SYT13: variants seen among roughly 807,000 people sequenced by gnomAD.
SYT13 encodes synaptotagmin 13, also known as synaptotagmin-13.
In SYT13, 21 loss-of-function variants were observed where a neutral mutation model predicts 38.6. The observed-to-expected ratio is 0.54, with a 90% confidence interval of 0.39 to 0.78. SYT13 has a LOEUF of 0.78. Among genes scored for constraint, SYT13 ranks in the 30% least tolerant of loss-of-function variants. The pLI, the probability that SYT13 is intolerant of heterozygous loss-of-function variation, is 0.00. For synonymous variants in SYT13, 241 were observed against 237.6 expected (o/e 1.01, Z -0.13); for missense variants, 495 against 548.7 (o/e 0.90, Z 0.98).
At chr11:45,285,854 T>TC in intron 1 of SYT13, 171 bp downstream of exon 1, 2 of 322,074 alleles carry the variant, frequency 6.2e-6, no homozygotes, top group South Asian at 4.0e-5. Flanking sequence ...GCCTCCCCCA[T>TC]CCCCCTACCT....
At chr11:45,281,432 G>A (rs527847740) in intron 1 of SYT13, among the ~76,000 whole-genome samples, 7 of 152,174 alleles carry the variant, frequency 4.6e-5, no homozygotes, top group East Asian at 3.9e-4. Context: ...TTGGGAGGCC[G>A]AGGTGGGAAG....
chr11:45,285,437 G>C (rs1177128193), intron 1 of SYT13, among the ~76,000 whole-genome samples: 1 of 152,090 alleles, frequency 6.6e-6, no homozygotes, highest in African/African-American at 2.4e-5. Context: ...AGTCCTTCAG[G>C]TTCCTCCCGG....
chr11:45,258,972 C>T (rs901571301), intron 1 of SYT13, among the ~76,000 whole-genome samples: 4 of 152,188 alleles, frequency 2.6e-5, no homozygotes, highest in African/African-American at 4.8e-5. Context: ...GGGAAGCTCA[C>T]GATCATACAA....
intron 4 of SYT13, among the ~76,000 whole-genome samples, chr11:45,248,349 T>C (rs1193610916): frequency 6.6e-6 from 1 of 152,086 alleles, no homozygotes; most frequent in East Asian, 1.9e-4. Context: ...ACAATAAACA[T>C]TTGTGAAAAA....
At chr11:45,274,439 C>T (rs2135907859) in intron 1 of SYT13, among the ~76,000 whole-genome samples, 1 of 152,286 alleles carries the variant, frequency 6.6e-6, no homozygotes, top group South Asian at 2.1e-4. Context: ...CAAAGAAACC[C>T]TCCAAATCAT....
chr11:45,243,934 G>T lies in SYT13; in HGVS notation c.*118C>A. 1 of 1,109,566 alleles carries T rather than the reference G, an allele frequency of 9.0e-7. No individual in the cohort carries two copies. The highest frequency in any genetic ancestry group is 1.3e-6 in the Non-Finnish European group (1 of 777,918). 68.7% of individuals were successfully genotyped at this position (1,109,566 alleles called of 1,614,324 possible). A position where few individuals can be genotyped will look rare whatever the true frequency, so the allele number is the denominator to read the frequency against. ...AGAGTATGATGAGAGAGCCATCCCA[G>T]CCTTGCAAACACATCTGTCACTGTC... On this transcript the variant is annotated 3_prime_UTR_variant, in exon 6 of 6. Coordinates refer to ENST00000020926, the MANE Select transcript of SYT13 (RefSeq NM_020826.3).
Position 45,252,514 on chromosome 11 carries a change from A to G in SYT13, c.753T>C (p.Arg251=), listed in dbSNP as rs138367179. The change falls in exon 4 of 6, where the codon CGT becomes CGC. Residue 251 remains arginine (R), a synonymous_variant. Transcript: ENST00000020926. This position sits in a 1 kb window ranked among gnomAD's most constrained non-coding sequence, Gnocchi z 4.3. The part of the protein sequence containing the change: ...LTLRTCDRFS[R]HSVAGELRLG... ...GGCGGAGCTCCCCGGCCACGCTGTG[A>G]CGGGAGAAGCGGTCGCAGGTCCTCA... The G allele has an allele frequency of 2.2e-5, 35 of 1,613,922 alleles. No individual in the cohort carries two copies. In the African/African-American group the frequency reaches 4.3e-4, roughly 20 times the overall value.
At chr11:45,253,748 C>T (rs571305536) in intron 3 of SYT13, 1 of 152,330 alleles carries the variant, frequency 6.6e-6, no homozygotes, top group South Asian at 2.1e-4. Flanking sequence ...TCAAATTCAT[C>T]TATGGCAGAG....
chr11:45,247,185 G>T (rs765787974), intron 4 of SYT13, among the ~76,000 whole-genome samples: 1 of 152,150 alleles, frequency 6.6e-6, no homozygotes, highest in Non-Finnish European at 1.5e-5. Context: ...CCTGAAATTC[G>T]TACAGGAGTT....
At position 45,252,654 on chromosome 11, in the gene SYT13, A is replaced by T. The variant is rs2135890233; in HGVS notation, c.613T>A (p.Ser205Thr). ...TTTAGGGCTGTCTGAGCCTCCACAG[A>T]GCCGGTCCTATTGGCCACACTCCCT... Reference protein sequence around the residue: ...VQGSVANRTGSVEAQTALKKR... With the variant: ...VQGSVANRTGTVEAQTALKKR... Residue 205 changes from serine (S) to threonine (T), a missense_variant, in exon 4 of 6, where the codon TCT (serine) becomes ACT (threonine). By Grantham distance (58) the Ser-to-Thr change is moderately conservative. Transcript: ENST00000020926. The surrounding 1 kb of genome is among the most constrained non-coding windows in gnomAD (Gnocchi z 4.3). The T allele has an allele frequency of 6.2e-7, 1 of 1,612,380 alleles. No homozygotes were observed. Among genetic ancestry groups the T allele is most frequent in the Admixed American group, 1.7e-5 (1 of 60,000 alleles).
At chr11:45,245,074 C>T (rs968804341) in intron 5 of SYT13, among the ~76,000 whole-genome samples, 3 of 152,168 alleles carry the variant, frequency 2.0e-5, no homozygotes, top group African/African-American at 7.2e-5. Context: ...TTCTTCTCAT[C>T]CGTACTTTTT....
intron 1 of SYT13, chr11:45,269,559 G>A (rs538258110): frequency 1.2e-4 from 114 of 962,142 alleles, no homozygotes; most frequent in Non-Finnish European, 1.5e-4. Context: ...CGCAACTATA[G>A]ATAAGTGCCT....
At chr11:45,266,555 G>A (rs1443784085) in intron 1 of SYT13, among the ~76,000 whole-genome samples, 1 of 149,052 alleles carries the variant, frequency 6.7e-6, no homozygotes, top group African/African-American at 2.5e-5. Flanking sequence ...CTAATGTCTG[G>A]ACAACAGGCA....
chr11:45,285,044 A>C (rs766014263), intron 1 of SYT13, among the ~76,000 whole-genome samples: 3 of 152,176 alleles, frequency 2.0e-5, no homozygotes, highest in Admixed American at 1.3e-4. Context: ...GGAACCATAC[A>C]GTCTATAAGG....
intron 2 of SYT13, 115 bp downstream of exon 2, chr11:45,255,551 G>A (rs956188200): frequency 3.5e-5 from 35 of 1,007,398 alleles, no homozygotes; most frequent in Non-Finnish European, 4.5e-5. Flanking sequence ...CTTGGCCAGC[G>A]TCAAATGCCG....
At chr11:45,264,780 A>T (rs1048750668) in intron 1 of SYT13, among the ~76,000 whole-genome samples, 3 of 150,720 alleles carry the variant, frequency 2.0e-5, no homozygotes, top group Non-Finnish European at 2.9e-5. Context: ...GGAAGATGTT[A>T]AAAAAAATGT....
intron 1 of SYT13, chr11:45,269,476 C>T: frequency 7.8e-7 from 1 of 1,286,106 alleles, no homozygotes; most frequent in Non-Finnish European, 1.0e-6. Flanking sequence ...CCTTTGGCCA[C>T]CACCTCTGTA....
chr11:45,271,892 C>T (rs952382339), intron 1 of SYT13, among the ~76,000 whole-genome samples: 1 of 152,276 alleles, frequency 6.6e-6, no homozygotes, highest in East Asian at 1.9e-4. Context: ...GACACCTGCA[C>T]ATGTATGTTT....
intron 4 of SYT13, among the ~76,000 whole-genome samples, chr11:45,247,763 T>C (rs906298704): frequency 6.6e-6 from 1 of 152,190 alleles, no homozygotes; most frequent in Non-Finnish European, 1.5e-5. Flanking sequence ...ATATTCCAGA[T>C]GCCATAATTA....
Sources: gnomAD v4.1 joint callset for allele counts (sites outside exome capture counted in the v4.1 genomes callset) on GRCh38, gnomAD v4.1.1 for gene constraint, Gnocchi (gnomAD v3.1) non-coding constraint, MANE v1.5 for transcripts, NCBI Gene and HGNC (gene_info 2026-07-23, HGNC 2026-07-21) for gene names.